The following PROS1 variants were observed in gnomAD, a reference collection of about 807,000 sequenced individuals.
PROS1 encodes the protein protein S.
In PROS1, 29 loss-of-function variants were observed where a neutral mutation model predicts 75.9. The observed-to-expected ratio is 0.38, with a 90% CI of 0.28 to 0.52. The LOEUF (loss-of-function observed/expected upper bound fraction) is 0.52, where lower values mean the gene tolerates loss of function less well. Among genes scored for constraint, PROS1 ranks in the 20% least tolerant of loss-of-function variants. PROS1 has a pLI of 0.83. For missense variants in PROS1, 680 were observed against 810.3 expected, an observed-to-expected ratio of 0.84 and a Z score of 1.95; for synonymous variants, 245 against 280.6, an observed-to-expected ratio of 0.87 and a Z score of 1.27.
At chr3:93,948,585 C>T (rs188227486) in intron 1 of PROS1, among the ~76,000 whole-genome samples, 1 of 152,254 alleles carries the variant, frequency 6.6e-6, no homozygotes, top group East Asian at 1.9e-4. Flanking sequence ...TGTAATTTCA[C>T]TCAAAAGCAC....
At chr3:93,915,980 A>G (rs1708842013) in intron 3 of PROS1, among the ~76,000 whole-genome samples, 1 of 152,190 alleles carries the variant, frequency 6.6e-6, no homozygotes, top group African/African-American at 2.4e-5. Flanking sequence ...TTGTATTGCT[A>G]TAACAGAATA....
intron 4 of PROS1, among the ~76,000 whole-genome samples, chr3:93,908,346 C>T (rs553133600): frequency 6.6e-6 from 1 of 152,254 alleles, no homozygotes; most frequent in South Asian, 2.1e-4. Context: ...CACATTACTG[C>T]CTGGAGATAG....
In PROS1 at chr3:93,964,504, A is replaced by C. The variant is rs542030688; in HGVS notation, c.76+9170T>G. Among the ~76,000 whole-genome samples the C allele has an allele frequency of 1.1e-3, 162 of 152,080 alleles. 1 individual carries two copies. In the South Asian group the frequency reaches 0.033, roughly 31 times the overall value. On this transcript the variant is annotated intron_variant, in intron 1 of 14. Coordinates refer to ENST00000394236, the MANE Select transcript of PROS1 (RefSeq NM_000313.4). ...CTCAGGCTTACTAGGGTGGGGAAAA[A>C]ACCTCACCCTGGTAAATTTGAGGTC... is the stretch of plus-strand genomic sequence containing the variant.
intron 1 of PROS1, among the ~76,000 whole-genome samples, chr3:93,938,682 T>G (rs1709229198): frequency 6.6e-6 from 1 of 151,486 alleles, no homozygotes; most frequent in Non-Finnish European, 1.5e-5. Flanking sequence ...CCAATTCCAG[T>G]TTTTTTTCCT....
In PROS1 at chr3:93,927,319, T is replaced by G; in HGVS notation, c.165A>C (p.Glu55Asp). 6.2e-7 allele frequency: 1 copy of G among 1,613,780 alleles called. No individual in the cohort carries two copies. Among genetic ancestry groups the G allele is most frequent in the Non-Finnish European group, 8.5e-7 (1 of 1,180,008 alleles). ...TGCACAGTTCTTCGATGCATTCTCTTTCAAGATTACCCTGTTTGGTTTCTT... is the reference window on the plus strand; with the variant it reads ...TGCACAGTTCTTCGATGCATTCTCTGTCAAGATTACCCTGTTTGGTTTCTT... ...LLEETKQGNLERECIEELCNK... is the reference protein window; with the variant it reads ...LLEETKQGNLDRECIEELCNK... Residue 55 changes from glutamate to aspartate, a missense_variant, in exon 2 of 15, where the codon GAA becomes GAC. Transcript: ENST00000394236.
intron 7 of PROS1, among the ~76,000 whole-genome samples, chr3:93,898,988 T>C (rs1431308714): frequency 6.6e-6 from 1 of 151,124 alleles, no homozygotes; most frequent in African/African-American, 2.4e-5. Flanking sequence ...AGGGAGAGCA[T>C]GATGGGGAAG....
At chr3:93,955,901 C>T (rs985308881) in intron 1 of PROS1, among the ~76,000 whole-genome samples, 1 of 152,060 alleles carries the variant, frequency 6.6e-6, no homozygotes, top group Non-Finnish European at 1.5e-5. Flanking sequence ...GATGAATATG[C>T]ACAATGGGCA....
chr3:93,939,927 G>T (rs1709256095), intron 1 of PROS1, among the ~76,000 whole-genome samples: 1 of 152,160 alleles, frequency 6.6e-6, no homozygotes, highest in African/African-American at 2.4e-5. Flanking sequence ...GTTAGAGGCG[G>T]CCAAGTAGCA....
intron 2 of PROS1, among the ~76,000 whole-genome samples, chr3:93,924,530 T>C (rs1708987949): frequency 6.6e-6 from 1 of 152,152 alleles, no homozygotes; most frequent in Non-Finnish European, 1.5e-5. Flanking sequence ...TTTAGGATGG[T>C]AAATATAATC....
chr3:93,927,264 T>C lies in PROS1; in HGVS notation c.220A>G (p.Asn74Asp), dbSNP rs1709033084. Residue 74 changes from asparagine (N) to aspartate (D), a missense_variant, in exon 2 of 15, where the codon AAT becomes GAT. Transcript: ENST00000394236. Reference protein sequence around the residue: ...NKEEAREVFENDPETDYFYPK... With the variant: ...NKEEAREVFEDDPETDYFYPK... The stretch of plus-strand genomic sequence containing the variant: ...TAAATGCTTACCGTTTCCGGGTCAT[T>C]TTCAAAGACCTCCCTGGCTTCTTCT... 1 of 1,612,360 alleles carries C rather than the reference T, an allele frequency of 6.2e-7. No homozygotes were observed. The highest frequency in any genetic ancestry group is 2.2e-5 in the East Asian group (1 of 44,878).
At chr3:93,906,905 C>A (rs1156933875) in intron 4 of PROS1, among the ~76,000 whole-genome samples, 2 of 152,228 alleles carry the variant, frequency 1.3e-5, no homozygotes, top group Non-Finnish European at 2.9e-5. Context: ...AGCACCCTGT[C>A]CCCTCCAGTC....
chr3:93,921,947 T>G (rs940120912), intron 3 of PROS1, among the ~76,000 whole-genome samples: 4 of 152,322 alleles, frequency 2.6e-5, no homozygotes, highest in African/African-American at 9.6e-5. Flanking sequence ...TCTATTGTAT[T>G]TTTTGTGTTT....
chr3:93,912,205 G>A (rs1038269430), intron 3 of PROS1, among the ~76,000 whole-genome samples: 1 of 152,072 alleles, frequency 6.6e-6, no homozygotes, highest in Non-Finnish European at 1.5e-5. Flanking sequence ...GCATTCCTGG[G>A]CTCATGGCCT....
At chr3:93,893,203 CA>C in intron 9 of PROS1, 81 bp from the exon 10 acceptor site, 1 of 1,204,560 alleles carries the variant, frequency 8.3e-7, no homozygotes. Flanking sequence ...CTTGTACTGA[CA>C]AACAGTAACA....
At chr3:93,883,103 C>T (rs1461866076) in intron 12 of PROS1, among the ~76,000 whole-genome samples, 1 of 152,114 alleles carries the variant, frequency 6.6e-6, no homozygotes, top group African/African-American at 2.4e-5. Flanking sequence ...CCCAGGGATA[C>T]AACACCTGCC....
At chr3:93,952,432 A>C (rs1266179384) in intron 1 of PROS1, among the ~76,000 whole-genome samples, 4 of 152,124 alleles carry the variant, frequency 2.6e-5, no homozygotes, top group Non-Finnish European at 4.4e-5. Flanking sequence ...ACTCACTCAA[A>C]ACCACTCAAC....
chr3:93,969,762 T>G (rs1251398029), intron 1 of PROS1, among the ~76,000 whole-genome samples: 1 of 152,224 alleles, frequency 6.6e-6, no homozygotes, highest in Non-Finnish European at 1.5e-5. Flanking sequence ...CTTCCTTCCT[T>G]CCTCTCTTTT....
At chr3:93,881,800 T>C (rs1413501688) in intron 12 of PROS1, among the ~76,000 whole-genome samples, 1 of 152,134 alleles carries the variant, frequency 6.6e-6, no homozygotes, top group South Asian at 2.1e-4. Flanking sequence ...GCTCTAGCTC[T>C]TTGGGATCTG....
chr3:93,939,371 G>T (rs564728328), intron 1 of PROS1, among the ~76,000 whole-genome samples: 1 of 152,056 alleles, frequency 6.6e-6, no homozygotes, highest in East Asian at 1.9e-4. Context: ...AAGCGTCACT[G>T]AGTCTTTTCA....
Sources: allele counts gnomAD v4.1 joint callset (sites outside exome capture counted in the v4.1 genomes callset), GRCh38; gene constraint gnomAD v4.1.1; transcripts MANE v1.5; gene names NCBI Gene and HGNC (gene_info 2026-07-23, HGNC 2026-07-21).